ZMAT4: variants seen among roughly 807,000 people sequenced by gnomAD.
ZMAT4 encodes zinc finger matrin-type protein 4.
Under a neutral mutation model 28.7 loss-of-function variants are expected in ZMAT4, and 17 were observed. That is an observed-to-expected ratio of 0.59 (90% CI 0.41 to 0.89). The LOEUF is 0.89. Among genes scored for constraint, ZMAT4 ranks in the 40% least tolerant of loss-of-function variants. The probability of loss-of-function intolerance (pLI) is 0.00; values close to 1 mark genes in which losing one functional copy is unlikely to be tolerated. For missense variants in ZMAT4, 240 were observed against 283.8 expected, an observed-to-expected ratio of 0.85 and a Z score of 1.11; for synonymous variants, 117 against 109.2, an observed-to-expected ratio of 1.07 and a Z score of -0.44.
At chr8:40,883,168 C>T (rs1486377747) in intron 1 of ZMAT4, among the ~76,000 whole-genome samples, 3 of 152,142 alleles carry the variant, frequency 2.0e-5, no homozygotes, top group African/African-American at 7.2e-5. Flanking sequence ...GCTGTGTGTC[C>T]CTTCAGCCTC....
chr8:40,699,377 C>T (rs991023300), intron 3 of ZMAT4, among the ~76,000 whole-genome samples: 19 of 151,946 alleles, frequency 1.3e-4, no homozygotes, highest in African/African-American at 3.1e-4. Context: ...TATTGCAGAA[C>T]GGTGAAGTCT....
At chr8:40,671,426 T>A (rs1808661705) in intron 5 of ZMAT4, among the ~76,000 whole-genome samples, 1 of 152,160 alleles carries the variant, frequency 6.6e-6, no homozygotes, top group African/African-American at 2.4e-5. Context: ...AGTTCATCAA[T>A]GAATAGAGTG....
chr8:40,820,498 GTGTA>G (rs898391691), intron 2 of ZMAT4, among the ~76,000 whole-genome samples: 1 of 151,100 alleles, frequency 6.6e-6, no homozygotes, highest in Non-Finnish European at 1.5e-5. Context: ...GTGTATATGT[GTGTA>G]TGTGTGTATT....
At chr8:40,878,899 T>A (rs1319731075) in intron 1 of ZMAT4, among the ~76,000 whole-genome samples, 1 of 152,218 alleles carries the variant, frequency 6.6e-6, no homozygotes, top group Non-Finnish European at 1.5e-5. Flanking sequence ...GCTGCTTTTT[T>A]GTTTTAAGAA....
At chr8:40,660,727 T>C (rs1015984253) in intron 5 of ZMAT4, among the ~76,000 whole-genome samples, 1 of 152,194 alleles carries the variant, frequency 6.6e-6, no homozygotes, top group Non-Finnish European at 1.5e-5. Flanking sequence ...AAATCCCCAT[T>C]TTCTTGGGGA....
At chr8:40,814,024 G>A (rs960859332) in intron 2 of ZMAT4, among the ~76,000 whole-genome samples, 2 of 152,216 alleles carry the variant, frequency 1.3e-5, no homozygotes, top group Non-Finnish European at 2.9e-5. Context: ...ACGGGGTGGA[G>A]AGGAGTCATG....
chr8:40,612,939 A>C (rs1805854284), intron 5 of ZMAT4, among the ~76,000 whole-genome samples: 1 of 151,370 alleles, frequency 6.6e-6, no homozygotes, highest in Admixed American at 6.6e-5. Flanking sequence ...CAGCCTCCTA[A>C]GTAGCTGGGA....
rs535659987 is a variant in ZMAT4 at position 40,666,582 on chromosome 8, T to C, written c.577+8122A>G. ...TTATTTGCACTATTAAAGTATATAC[T>C]AATAACAAGTAGAAAGTTATGTGGA... On this transcript the variant is annotated intron_variant, in intron 5 of 6. Coordinates refer to ENST00000297737, the MANE Select transcript of ZMAT4 (RefSeq NM_024645.3). 1.4e-4 allele frequency among the ~76,000 whole-genome samples: 22 copies of C among 152,246 alleles called. No individual in the cohort carries two copies. In the South Asian group the frequency reaches 4.4e-3, roughly 30 times the overall value.
At chr8:40,862,346 C>T (rs1030912845) in intron 1 of ZMAT4, among the ~76,000 whole-genome samples, 1 of 144,116 alleles carries the variant, frequency 6.9e-6, no homozygotes, top group African/African-American at 2.6e-5. Context: ...CGCATATTCT[C>T]ACTCATAGGT....
intron 4 of ZMAT4, among the ~76,000 whole-genome samples, chr8:40,686,873 T>G (rs1295811399): frequency 2.6e-5 from 4 of 152,110 alleles, no homozygotes; most frequent in Non-Finnish European, 5.9e-5. Flanking sequence ...GCAGGCATCT[T>G]GACCACAGAG....
chr8:40,892,191 T>C (rs1204121140), intron 1 of ZMAT4, among the ~76,000 whole-genome samples: 1 of 152,232 alleles, frequency 6.6e-6, no homozygotes, highest in African/African-American at 2.4e-5. Context: ...GGGCCCATCT[T>C]ATTTCATTTA....
intron 5 of ZMAT4, among the ~76,000 whole-genome samples, chr8:40,661,754 ATACGTCTTCC>A (rs1412271040): frequency 6.6e-6 from 1 of 152,208 alleles, no homozygotes; most frequent in Non-Finnish European, 1.5e-5. Flanking sequence ...AGCATAATGG[ATACGTCTTCC>A]TAGAACCTTA....
At chr8:40,872,837 G>A (rs1279791565) in intron 1 of ZMAT4, among the ~76,000 whole-genome samples, 3 of 152,114 alleles carry the variant, frequency 2.0e-5, no homozygotes, top group South Asian at 2.1e-4. Flanking sequence ...TTTGTTTTTA[G>A]TTTTTGTCAG....
intron 5 of ZMAT4, among the ~76,000 whole-genome samples, chr8:40,587,802 A>C (rs1226211209): frequency 1.3e-5 from 2 of 152,086 alleles, no homozygotes; most frequent in African/African-American, 4.8e-5. Flanking sequence ...TGAATTAAAT[A>C]GTCAAAAGGC....
At chr8:40,690,231 T>C (rs1364485275) in intron 4 of ZMAT4, among the ~76,000 whole-genome samples, 1 of 152,164 alleles carries the variant, frequency 6.6e-6, no homozygotes, top group Non-Finnish European at 1.5e-5. Flanking sequence ...CAGGGAAGCA[T>C]TACTGCAAGA....
chr8:40,806,485 T>C (rs189892250), intron 2 of ZMAT4, among the ~76,000 whole-genome samples: 86 of 152,340 alleles, frequency 5.6e-4, no homozygotes, highest in Admixed American at 9.8e-4. Context: ...TGTGCTGCCA[T>C]AAACAGAGCT....
intron 1 of ZMAT4, among the ~76,000 whole-genome samples, chr8:40,839,559 C>G (rs757312646): frequency 2.6e-4 from 39 of 152,158 alleles, no homozygotes; most frequent in Admixed American, 6.5e-5. Context: ...GACAGTGAAT[C>G]GACCTAAATG....
At chr8:40,623,185 G>C (rs1806258038) in intron 5 of ZMAT4, among the ~76,000 whole-genome samples, 1 of 152,106 alleles carries the variant, frequency 6.6e-6, no homozygotes, top group South Asian at 2.1e-4. Context: ...ATGCTAAGAG[G>C]GCAGAGGGAA....
intron 5 of ZMAT4, among the ~76,000 whole-genome samples, chr8:40,588,494 TA>T (rs1379544894): frequency 6.6e-6 from 1 of 151,988 alleles, no homozygotes; most frequent in African/African-American, 2.4e-5. Context: ...AAAGAAGACA[TA>T]AAAATGACCA....
Sources: gnomAD v4.1 joint callset for allele counts (sites outside exome capture counted in the v4.1 genomes callset) on GRCh38, gnomAD v4.1.1 for gene constraint, MANE v1.5 for transcripts, NCBI Gene and HGNC (gene_info 2026-07-23, HGNC 2026-07-21) for gene names.